AQP1: variants seen among roughly 807,000 people sequenced by gnomAD.
AQP1 encodes the protein aquaporin-1.
Under a neutral mutation model 19.7 loss-of-function variants are expected in AQP1, and 11 were observed. The ratio of observed to expected loss-of-function variants is 0.56; its 90% confidence interval spans 0.35 to 0.92. The LOEUF is 0.92. Ranked by LOEUF, AQP1 falls within the 40% of genes least tolerant of loss-of-function variation. AQP1 has a pLI of 0.01. For missense variants in AQP1, 320 were observed against 369.7 expected (o/e 0.87, Z 1.10); for synonymous variants, 159 against 166.7 (o/e 0.95, Z 0.36).
intron 1 of AQP1, among the ~76,000 whole-genome samples, chr7:30,916,575 AGG>A (rs1791360239): frequency 6.6e-6 from 1 of 152,200 alleles, no homozygotes. Context: ...AGTGGTGCCC[AGG>A]GGGATCATGA....
chr7:30,922,056 T>G lies in AQP1; in HGVS notation c.385-10T>G, dbSNP rs755111530. ...TCCTCACCAGTCCTCACCACCTCTC[T>G]CCCCTGCAGCTGGCTGATGGTGTGA... is the stretch of plus-strand genomic sequence containing the variant. On this transcript the variant is annotated splice_polypyrimidine_tract_variant and intron_variant, in intron 1 of 3. Coordinates refer to ENST00000311813, the MANE Select transcript of AQP1 (RefSeq NM_198098.4). 104 of 1,613,546 alleles carry G rather than the reference T, an allele frequency of 6.4e-5. No homozygotes were observed. Among genetic ancestry groups the G allele is most frequent in the Admixed American group, 1.0e-4 (6 of 60,002 alleles).
At chr7:30,914,162 C>T (rs1791251312) in intron 1 of AQP1, among the ~76,000 whole-genome samples, 1 of 152,194 alleles carries the variant, frequency 6.6e-6, no homozygotes, top group African/African-American at 2.4e-5. Flanking sequence ...CCTCCCTGGC[C>T]TTCATTTTTT....
At chr7:30,921,250 A>G in intron 1 of AQP1, 1 of 1,162,774 alleles carries the variant, frequency 8.6e-7, no homozygotes, top group Non-Finnish European at 1.1e-6. Flanking sequence ...GAGGGCCTTC[A>G]TGACCTCACA....
In AQP1 at chr7:30,921,909, G is replaced by A. The variant is rs542772810; in HGVS notation, c.385-157G>A. 6.5e-5 allele frequency: 100 copies of A among 1,531,308 alleles called. 1 individual carries two copies. In the Middle Eastern group the frequency reaches 2.4e-3, roughly 37 times the overall value. 94.9% of individuals were successfully genotyped at this position (1,531,308 alleles called of 1,614,324 possible). The stretch of plus-strand genomic sequence containing the variant: ...CAAGGCCTGATTTCCACTACCTGCC[G>A]TGTAGGCTTGCCTGGGACCCTGTGA... On this transcript the variant is annotated intron_variant, in intron 1 of 3. Coordinates refer to ENST00000311813, the MANE Select transcript of AQP1 (RefSeq NM_198098.4).
At position 30,923,572 on chromosome 7, in the gene AQP1, G is replaced by A; in HGVS notation, c.753G>A (p.Glu251=). Residue 251 remains glutamate (E), a synonymous_variant, in exon 4 of 4, where the codon GAG becomes GAA. Coordinates refer to ENST00000311813, the MANE Select transcript of AQP1 (RefSeq NM_198098.4). This position sits in a 1 kb window ranked among gnomAD's most constrained non-coding sequence, Gnocchi z 4.8. The part of the protein sequence containing the change: ...RVKVWTSGQV[E]EYDLDADDIN... The stretch of plus-strand genomic sequence containing the variant: ...AGGTGTGGACCAGCGGCCAGGTGGA[G>A]GAGTATGACCTGGATGCCGACGACA... The A allele has an allele frequency of 1.2e-6, 2 of 1,613,476 alleles. No individual in the cohort carries two copies. Among genetic ancestry groups the A allele is most frequent in the Non-Finnish European group, 1.7e-6 (2 of 1,179,876 alleles).
In AQP1 at chr7:30,919,121, T is replaced by G. The variant is rs375128502; in HGVS notation, c.385-2945T>G. Among the ~76,000 whole-genome samples, 5 of 152,090 alleles carry G rather than the reference T, an allele frequency of 3.3e-5. No homozygotes were observed. In the East Asian group the frequency reaches 7.7e-4, roughly 23 times the overall value. On this transcript the variant is annotated intron_variant, in intron 1 of 3. Transcript: ENST00000311813. ...AGCAAGGGTGGGAGTTCTAGAAAAT[T>G]AGCATTCTCTGCCACTTCTATCAGC...
rs772541900 is a variant in AQP1 at position 30,923,551 on chromosome 7, G to T, written c.732G>T (p.Val244=). 6.2e-7 allele frequency: 1 copy of T among 1,614,166 alleles called. No homozygotes were observed. Among genetic ancestry groups the T allele is most frequent in the Non-Finnish European group, 8.5e-7 (1 of 1,180,030 alleles). The change falls in exon 4 of 4, where the codon GTG becomes GTT. Residue 244 remains valine (V), a synonymous_variant. Coordinates refer to ENST00000311813, the MANE Select transcript of AQP1 (RefSeq NM_198098.4). The surrounding 1 kb of genome is among the most constrained non-coding windows in gnomAD (Gnocchi z 4.8). ...RSSDLTDRVK[V]WTSGQVEEYD... The stretch of plus-strand genomic sequence containing the variant: ...GTGACCTCACAGACCGCGTGAAGGT[G>T]TGGACCAGCGGCCAGGTGGAGGAGT...
chr7:30,923,705 A>G lies in AQP1; in HGVS notation c.*76A>G, dbSNP rs1791594913. 1.3e-6 allele frequency: 2 copies of G among 1,514,260 alleles called. No homozygotes were observed. The highest frequency in any genetic ancestry group is 8.9e-7 in the Non-Finnish European group (1 of 1,128,766). 93.8% of individuals were successfully genotyped at this position (1,514,260 alleles called of 1,614,324 possible). A position where few individuals can be genotyped will look rare whatever the true frequency, so the allele number is the denominator to read the frequency against. On this transcript the variant is annotated 3_prime_UTR_variant, in exon 4 of 4. Transcript: ENST00000311813. The surrounding 1 kb of genome is among the most constrained non-coding windows in gnomAD (Gnocchi z 4.8). ...GAGGGAGGGGAGGGGTGAAATCCAT[A>G]CTGTAGACACTCTGACAAGCTGGCC...
rs905828486 is a variant in AQP1 at position 30,923,652 on chromosome 7, A to G, written c.*23A>G. On this transcript the variant is annotated 3_prime_UTR_variant, in exon 4 of 4. Transcript: ENST00000311813. This position sits in a 1 kb window ranked among gnomAD's most constrained non-coding sequence, Gnocchi z 4.8. ...TAGAAGGGGTCTGGCCCGGGCATCC[A>G]CGTAGGGGGCAGGGGCAGGGGCGGG... 1 of 1,448,196 alleles carries G rather than the reference A, an allele frequency of 6.9e-7. No homozygotes were observed. The highest frequency in any genetic ancestry group is 9.0e-7 in the Non-Finnish European group (1 of 1,107,926). 89.7% of individuals were successfully genotyped at this position (1,448,196 alleles called of 1,614,324 possible).
chr7:30,921,637 G>C, intron 1 of AQP1: 11 of 1,550,786 alleles, frequency 7.1e-6, no homozygotes, highest in Non-Finnish European at 9.6e-6. Flanking sequence ...ATGAAGCCGT[G>C]TCCCCTGCTG....
At chr7:30,916,083 T>G (rs942244152) in intron 1 of AQP1, among the ~76,000 whole-genome samples, 1 of 152,170 alleles carries the variant, frequency 6.6e-6, no homozygotes, top group African/African-American at 2.4e-5. Context: ...TGCTTCCCCT[T>G]TAGGGACCTC....
At chr7:30,917,584 G>A (rs1791390575) in intron 1 of AQP1, among the ~76,000 whole-genome samples, 1 of 152,158 alleles carries the variant, frequency 6.6e-6, no homozygotes, top group African/African-American at 2.4e-5. Context: ...GCACCCAGAA[G>A]TGCCATCAGA....
chr7:30,918,580 CCT>C (rs1791419032), intron 1 of AQP1, among the ~76,000 whole-genome samples: 1 of 152,206 alleles, frequency 6.6e-6, no homozygotes, highest in Non-Finnish European at 1.5e-5. Flanking sequence ...GTCTCCTATC[CCT>C]TGAGAACGAA....
chr7:30,914,803 G>A (rs544121023), intron 1 of AQP1, among the ~76,000 whole-genome samples: 89 of 152,394 alleles, frequency 5.8e-4, no homozygotes, highest in African/African-American at 2.1e-3. Context: ...GTGGCAGGAA[G>A]TGGTTGGGGT....
intron 2 of AQP1, 150 bp from the exon 3 acceptor site, chr7:30,922,414 C>A: frequency 7.8e-7 from 1 of 1,275,140 alleles, no homozygotes; most frequent in Non-Finnish European, 1.1e-6. Flanking sequence ...GACCTCCTGC[C>A]CAGCTTGGGG....
Position 30,923,582 on chromosome 7 carries a change from CT to C in AQP1, c.764del (p.Leu255ArgfsTer12). On this transcript the variant is annotated frameshift_variant, in exon 4 of 4. Coordinates refer to ENST00000311813, the MANE Select transcript of AQP1 (RefSeq NM_198098.4). LOFTEE classifies it high-confidence loss of function. The surrounding 1 kb of genome is among the most constrained non-coding windows in gnomAD (Gnocchi z 4.8). ...CAGCGGCCAGGTGGAGGAGTATGAC[CT>C]GGATGCCGACGACATCAACTCCAGG... ...WTSGQVEEYDLDADDINSRVE... is the reference protein window; with the variant it reads ...WTSGQVEEYDXDADDINSRVE... 1 of 1,611,198 alleles carries C rather than the reference CT, an allele frequency of 6.2e-7. No homozygotes were observed. The highest frequency in any genetic ancestry group is 8.5e-7 in the Non-Finnish European group (1 of 1,178,860).
At chr7:30,922,490 C>G (rs181520154) in intron 2 of AQP1, 74 bp from the exon 3 acceptor site, 5 of 1,451,818 alleles carry the variant, frequency 3.4e-6, no homozygotes, top group Middle Eastern at 1.7e-4. Flanking sequence ...TCCCTCCAAC[C>G]TCTCCCTCCT....
At position 30,912,100 on chromosome 7, in the gene AQP1, C is replaced by T. The variant is rs898407370; in HGVS notation, c.191C>T (p.Ala64Val). Residue 64 changes from alanine to valine, a missense_variant, in exon 1 of 4, where the codon GCG becomes GTG. Physicochemically the swap from Ala to Val is moderately conservative, Grantham distance 64 (BLOSUM62 0). Transcript: ENST00000311813. The surrounding 1 kb of genome is among the most constrained non-coding windows in gnomAD (Gnocchi z 4.3). ...LAFGLSIATL[A>V]QSVGHISGAH... ...TTCGGGCTGAGCATCGCCACGCTGGCGCAGAGTGTGGGCCACATCAGCGGC... is the reference window on the plus strand; with the variant it reads ...TTCGGGCTGAGCATCGCCACGCTGGTGCAGAGTGTGGGCCACATCAGCGGC... The T allele has an allele frequency of 2.3e-5, 37 of 1,613,150 alleles. No individual in the cohort carries two copies. Among genetic ancestry groups the T allele is most frequent in the African/African-American group, 4.0e-5 (3 of 74,946 alleles).
rs1016278358 is a variant in AQP1, at chr7:30,912,993, CGTGTGT to C, written c.384+708_384+713del. On this transcript the variant is annotated intron_variant, in intron 1 of 3. Transcript: ENST00000311813. The surrounding 1 kb of genome is among the most constrained non-coding windows in gnomAD (Gnocchi z 4.3). ...TGGCGTGTGTGTGCATGTGCGTGTGCGTGTGTGTGTGTGAAGGTGTGTATGTGTGCA... is the reference window on the plus strand; with the variant it reads ...TGGCGTGTGTGTGCATGTGCGTGTGCGTGTGTGAAGGTGTGTATGTGTGCA... 6.6e-6 allele frequency among the ~76,000 whole-genome samples: 1 copy of C among 151,074 alleles called. No individual in the cohort carries two copies. Among genetic ancestry groups the C allele is most frequent in the Non-Finnish European group, 1.5e-5 (1 of 67,676 alleles).
Sources: allele counts gnomAD v4.1 joint callset (sites outside exome capture counted in the v4.1 genomes callset), GRCh38; gene constraint gnomAD v4.1.1; non-coding constraint Gnocchi (gnomAD v3.1); transcripts MANE v1.5; gene names NCBI Gene and HGNC (gene_info 2026-07-23, HGNC 2026-07-21).